The following DPYD variants were observed in gnomAD, a reference collection of about 807,000 sequenced individuals.
DPYD encodes dihydropyrimidine dehydrogenase [NADP(+)].
In DPYD, 109 loss-of-function variants were observed where a neutral mutation model predicts 116.2. The observed-to-expected ratio is 0.94, with a 90% CI of 0.80 to 1.10. DPYD has a LOEUF of 1.10. Among genes scored for constraint, DPYD ranks in the 50% least tolerant of loss-of-function variants. DPYD has a pLI of 0.00. For missense variants in DPYD, 1,302 were observed against 1,254.5 expected, an observed-to-expected ratio of 1.04 and a Z score of -0.57; for synonymous variants, 440 against 432.0, an observed-to-expected ratio of 1.02 and a Z score of -0.23.
At chr1:97,628,468 C>G (rs116368600) in intron 8 of DPYD, among the ~76,000 whole-genome samples, 5 of 151,972 alleles carry the variant, frequency 3.3e-5, no homozygotes, top group African/African-American at 1.2e-4. Context: ...AGAGAAGATG[C>G]CTTTGGCATC....
At chr1:97,273,563 C>T (rs999336457) in intron 18 of DPYD, among the ~76,000 whole-genome samples, 4 of 152,036 alleles carry the variant, frequency 2.6e-5, no homozygotes, top group African/African-American at 9.7e-5. Context: ...GGAGAGAGGA[C>T]TAAGGAAGGT....
intron 3 of DPYD, among the ~76,000 whole-genome samples, chr1:97,774,067 G>A (rs1394263040): frequency 6.6e-6 from 1 of 152,144 alleles, no homozygotes; most frequent in East Asian, 1.9e-4. Context: ...TGCTGCCGTG[G>A]GGTCCACATT....
chr1:97,282,696 T>C lies in DPYD; in HGVS notation c.2299+22563A>G, dbSNP rs1665404876. 3.3e-5 allele frequency among the ~76,000 whole-genome samples: 5 copies of C among 152,178 alleles called. 1 individual carries two copies. The South Asian group carries it at 1.0e-3, about 32-fold the overall frequency. ...TTGTCACCTAGTTAATCATCATAGG[T>C]AGTTTCTATCCTCACCCTCCTCCTA... On this transcript the variant is annotated intron_variant, in intron 18 of 22. Transcript: ENST00000370192.
rs1414253595 is a variant in DPYD, at chr1:97,480,775, G to A, written c.1741-30552C>T. Among the ~76,000 whole-genome samples, 3 of 152,196 alleles carry A rather than the reference G, an allele frequency of 2.0e-5. No individual in the cohort carries two copies. In the East Asian group the frequency reaches 5.8e-4, roughly 29 times the overall value. On this transcript the variant is annotated intron_variant, in intron 13 of 22. Transcript: ENST00000370192. ...GCATGCAGATCACCTGAGGTCAGGA[G>A]TTCAAGACCAGCCTGGCCAACATGG... is the stretch of plus-strand genomic sequence containing the variant.
chr1:97,649,974 G>A (rs1571127875), intron 8 of DPYD, among the ~76,000 whole-genome samples: 1 of 151,874 alleles, frequency 6.6e-6, no homozygotes, highest in African/African-American at 2.4e-5. Context: ...CATCCACCGA[G>A]GCCGACAGAG....
At chr1:97,451,475 A>C (rs1676409321) in intron 13 of DPYD, among the ~76,000 whole-genome samples, 1 of 152,202 alleles carries the variant, frequency 6.6e-6, no homozygotes, top group Admixed American at 6.5e-5. Flanking sequence ...GCCTCCTTAA[A>C]TATGTACATT....
chr1:97,920,825 A>C (rs1674480848), intron 1 of DPYD, 59 bp downstream of exon 1: 1 of 1,557,266 alleles, frequency 6.4e-7, no homozygotes, highest in South Asian at 1.2e-5. Context: ...CCCGGCACCT[A>C]CCCGCAGAGC....
At chr1:97,590,522 T>C (rs1365382268) in intron 10 of DPYD, among the ~76,000 whole-genome samples, 2 of 152,210 alleles carry the variant, frequency 1.3e-5, no homozygotes, top group African/African-American at 4.8e-5. Context: ...AAGCTCAAGG[T>C]CAATTAGTTT....
At chr1:97,732,060 T>C (rs551666174) in intron 4 of DPYD, among the ~76,000 whole-genome samples, 18 of 152,098 alleles carry the variant, frequency 1.2e-4, no homozygotes, top group Admixed American at 8.5e-4. Context: ...CTTGGACTTA[T>C]AGTTGTTTAC....
intron 19 of DPYD, among the ~76,000 whole-genome samples, chr1:97,217,461 T>A (rs1436222394): frequency 3.3e-5 from 5 of 152,166 alleles, no homozygotes; most frequent in Non-Finnish European, 7.4e-5. Flanking sequence ...TATTTCTAAA[T>A]AAGAGACATA....
intron 16 of DPYD, among the ~76,000 whole-genome samples, chr1:97,339,551 C>A (rs971474339): frequency 1.3e-5 from 2 of 152,070 alleles, no homozygotes; most frequent in Non-Finnish European, 2.9e-5. Context: ...AGAAAAAAGG[C>A]ACAATGGTTT....
At chr1:97,430,620 A>AG (rs1437922139) in intron 14 of DPYD, among the ~76,000 whole-genome samples, 1 of 152,098 alleles carries the variant, frequency 6.6e-6, no homozygotes, top group Non-Finnish European at 1.5e-5. Flanking sequence ...TTTCACGTGA[A>AG]TTTTAATAAA....
chr1:97,126,441 C>T (rs1211680914), intron 20 of DPYD, among the ~76,000 whole-genome samples: 1 of 152,154 alleles, frequency 6.6e-6, no homozygotes, highest in African/African-American at 2.4e-5. Flanking sequence ...AAATTCCTTG[C>T]AGGCCCCTAA....
chr1:97,595,970 G>A (rs1195716441), intron 8 of DPYD, among the ~76,000 whole-genome samples: 1 of 151,894 alleles, frequency 6.6e-6, no homozygotes, highest in African/African-American at 2.4e-5. Flanking sequence ...CTCTTTCAGT[G>A]GAAATATACA....
intron 13 of DPYD, among the ~76,000 whole-genome samples, chr1:97,463,639 A>C (rs1365686432): frequency 6.6e-6 from 1 of 152,166 alleles, no homozygotes; most frequent in Non-Finnish European, 1.5e-5. Flanking sequence ...CTCCCTAGTG[A>C]CTTGTTGAAT....
At chr1:97,529,841 T>G (rs1022220903) in intron 12 of DPYD, among the ~76,000 whole-genome samples, 2 of 150,518 alleles carry the variant, frequency 1.3e-5, no homozygotes, top group Non-Finnish European at 3.0e-5. Flanking sequence ...CTCTCTTCTC[T>G]CTCCCTTCCC....
chr1:97,348,506 T>C (rs915871079), intron 16 of DPYD, among the ~76,000 whole-genome samples: 6 of 152,276 alleles, frequency 3.9e-5, no homozygotes, highest in South Asian at 2.1e-4. Context: ...TGTAAAACAA[T>C]GAAGTTCTTG....
At chr1:97,783,016 G>A (rs1314628690) in intron 3 of DPYD, among the ~76,000 whole-genome samples, 1 of 152,166 alleles carries the variant, frequency 6.6e-6, no homozygotes, top group Non-Finnish European at 1.5e-5. Flanking sequence ...GGAGTGTGTT[G>A]GAGAGAAGCA....
intron 18 of DPYD, among the ~76,000 whole-genome samples, chr1:97,266,240 G>T (rs1161759170): frequency 6.6e-6 from 1 of 152,166 alleles, no homozygotes; most frequent in African/African-American, 2.4e-5. Context: ...CCCCTAGGCA[G>T]CAGTATCCAA....
Sources: gnomAD v4.1 joint callset for allele counts (sites outside exome capture counted in the v4.1 genomes callset) on GRCh38, gnomAD v4.1.1 for gene constraint, MANE v1.5 for transcripts, NCBI Gene and HGNC (gene_info 2026-07-23, HGNC 2026-07-21) for gene names.